The following NDUFB5 variants were observed in gnomAD, a reference collection of about 807,000 sequenced individuals.
NDUFB5 encodes the protein NADH:ubiquinone oxidoreductase subunit B5.
In NDUFB5, 19 loss-of-function variants were observed where a neutral mutation model predicts 19.4. That is an observed-to-expected ratio of 0.98 (90% CI 0.68 to 1.43). NDUFB5 has a LOEUF of 1.43. Ranked by LOEUF, NDUFB5 falls within the 40% of genes most tolerant of loss-of-function variation. The pLI, the probability that NDUFB5 is intolerant of heterozygous loss-of-function variation, is 0.00. For synonymous variants in NDUFB5, 80 were observed against 82.6 expected (o/e 0.97, Z 0.17); for missense variants, 233 against 236.5 (o/e 0.99, Z 0.10).
At chr3:179,620,478 G>A (rs548566131) in intron 5 of NDUFB5, among the ~76,000 whole-genome samples, 12 of 152,210 alleles carry the variant, frequency 7.9e-5, no homozygotes, top group Admixed American at 3.9e-4. Context: ...TCTTGTTTTC[G>A]TCAAGTTTGT....
rs1422766692 is a variant in NDUFB5 at position 179,604,857 on chromosome 3, G to T, written c.42G>T (p.Ala14=). Residue 14 remains alanine (A), a synonymous_variant, in exon 1 of 6, where the codon GCG becomes GCT. Transcript: ENST00000259037. ...TGTTGCGGCGGGTTTCGGTTACTGC[G>T]GTGGCAGCTCTGTCTGGCCGGCCCC... The part of the protein sequence containing the change: ...MSLLRRVSVT[A]VAALSGRPLG... 6.2e-7 allele frequency: 1 copy of T among 1,603,464 alleles called. No homozygotes were observed. The highest frequency in any genetic ancestry group is 8.5e-7 in the Non-Finnish European group (1 of 1,177,398).
At chr3:179,605,534 T>G (rs980510572) in intron 1 of NDUFB5, among the ~76,000 whole-genome samples, 3 of 152,010 alleles carry the variant, frequency 2.0e-5, no homozygotes, top group Non-Finnish European at 4.4e-5. Flanking sequence ...GGCGCGATCT[T>G]GGCTCACTGC....
intron 2 of NDUFB5, chr3:179,615,479 T>G: frequency 2.5e-6 from 1 of 403,406 alleles, no homozygotes; most frequent in South Asian, 1.8e-5. Context: ...GTAACAGGGA[T>G]CTATAGTGCA....
intron 1 of NDUFB5, among the ~76,000 whole-genome samples, chr3:179,611,696 G>A (rs1004343752): frequency 1.2e-4 from 18 of 151,876 alleles, no homozygotes; most frequent in African/African-American, 1.9e-4. Context: ...CACTGTGCCC[G>A]GCCCAGTTGT....
chr3:179,609,371 A>C lies in NDUFB5; in HGVS notation c.124+4432A>C, dbSNP rs552745660. Among the ~76,000 whole-genome samples the C allele has an allele frequency of 3.9e-5, 6 of 152,332 alleles. No individual in the cohort carries two copies. In the South Asian group the frequency reaches 1.2e-3, roughly 32 times the overall value. On this transcript the variant is annotated intron_variant, in intron 1 of 5. Coordinates refer to ENST00000259037, the MANE Select transcript of NDUFB5 (RefSeq NM_002492.4). ...AATACGAAGATAGAGTTGCAAGAGA[A>C]CAATGGGCAGCACAGCAGAGAAGGG... is the stretch of plus-strand genomic sequence containing the variant.
At chr3:179,608,615 A>C (rs775296981) in intron 1 of NDUFB5, among the ~76,000 whole-genome samples, 2 of 152,216 alleles carry the variant, frequency 1.3e-5, no homozygotes, top group African/African-American at 4.8e-5. Flanking sequence ...TCTACATGTA[A>C]GTGTGCACTT....
rs778341615 is a variant in NDUFB5, at chr3:179,625,057, T to A, written c.*1017T>A. ...GGCCTGTCTCCACTTCCCAAAGTGC[T>A]GATTACAGGCCTGAGCCACTGCACC... On this transcript the variant is annotated 3_prime_UTR_variant, in exon 6 of 6. Transcript: ENST00000259037. 1 of 152,150 alleles carries A rather than the reference T, an allele frequency of 6.6e-6. No individual in the cohort carries two copies. 9.4% of individuals were successfully genotyped at this position (152,150 alleles called of 1,614,324 possible).
rs181425877 is a variant in NDUFB5, at chr3:179,627,081, C to G, written c.*3041C>G. On this transcript the variant is annotated 3_prime_UTR_variant, in exon 6 of 6. Coordinates refer to ENST00000259037, the MANE Select transcript of NDUFB5 (RefSeq NM_002492.4). ...GGCCTCAAGGAACTTTCACTCATAG[C>G]AGAAAGCAAAGCAGGAGCAGGCACA... The G allele has an allele frequency of 2.7e-4, 41 of 152,322 alleles. No individual in the cohort carries two copies. The highest frequency in any genetic ancestry group is 9.9e-4 in the African/African-American group (41 of 41,546). 9.4% of individuals were successfully genotyped at this position (152,322 alleles called of 1,614,324 possible). A position where few individuals can be genotyped will look rare whatever the true frequency, so the allele number is the denominator to read the frequency against.
intron 1 of NDUFB5, chr3:179,607,830 A>G (rs1456316795): frequency 1.4e-6 from 1 of 701,762 alleles, no homozygotes; most frequent in African/African-American, 1.7e-5. Flanking sequence ...GAATCATATA[A>G]TATTTGTCTG....
chr3:179,609,846 T>C (rs752862079), intron 1 of NDUFB5, among the ~76,000 whole-genome samples: 1 of 152,204 alleles, frequency 6.6e-6, no homozygotes, highest in Non-Finnish European at 1.5e-5. Flanking sequence ...TTTCTCTAAT[T>C]AGTTTTGTTG....
chr3:179,617,974 A>G (rs945532813), intron 4 of NDUFB5, among the ~76,000 whole-genome samples: 1 of 152,216 alleles, frequency 6.6e-6, no homozygotes, highest in Non-Finnish European at 1.5e-5. Flanking sequence ...TATTATCTGA[A>G]TGAATTATAT....
intron 1 of NDUFB5, among the ~76,000 whole-genome samples, chr3:179,605,859 T>G (rs1187350855): frequency 6.6e-6 from 1 of 151,508 alleles, no homozygotes; most frequent in Non-Finnish European, 1.5e-5. Context: ...TGGCACCATC[T>G]TGGCTCACTG....
chr3:179,607,001 CCAAATA>C (rs1719119838), intron 1 of NDUFB5, among the ~76,000 whole-genome samples: 1 of 152,190 alleles, frequency 6.6e-6, no homozygotes, highest in Admixed American at 6.5e-5. Flanking sequence ...TCTCATATAG[CCAAATA>C]CAAATCCTTC....
rs75722571 is a variant in NDUFB5 at position 179,616,754 on chromosome 3, A to G, written c.281-229A>G. 6.7e-3 allele frequency among the ~76,000 whole-genome samples: 1,023 copies of G among 152,316 alleles called. 8 individuals carry two copies. The highest frequency in any genetic ancestry group is 0.024 in the African/African-American group (980 of 41,568). ...GAAAAACAAAATGAGAAACTCATGG[A>G]ATACCTATAAATAATGCCTTACACA... On this transcript the variant is annotated intron_variant, in intron 3 of 5. Transcript: ENST00000259037.
intron 5 of NDUFB5, among the ~76,000 whole-genome samples, chr3:179,620,355 A>G (rs1719503045): frequency 7.9e-5 from 12 of 151,932 alleles, no homozygotes; most frequent in Admixed American, 7.9e-4. Flanking sequence ...TCTTTAATCC[A>G]TCTTGAATTA....
chr3:179,624,172 T>G lies in NDUFB5; in HGVS notation c.*132T>G, dbSNP rs536365075. 2.7e-5 allele frequency: 22 copies of G among 804,462 alleles called. No homozygotes were observed. In the East Asian group the frequency reaches 6.6e-4, roughly 24 times the overall value. The allele number at this position is 804,462 out of a possible 1,614,324, so 49.8% of individuals were successfully genotyped here. Reference sequence around the variant, plus strand: ...TACTGTCTCTCAGTGTTGGTTCAGATTGAGGCTTTTGTTTGAGGAGTTTGG... The same window carrying G: ...TACTGTCTCTCAGTGTTGGTTCAGAGTGAGGCTTTTGTTTGAGGAGTTTGG... On this transcript the variant is annotated 3_prime_UTR_variant, in exon 6 of 6. Transcript: ENST00000259037.
intron 1 of NDUFB5, among the ~76,000 whole-genome samples, chr3:179,609,666 C>A (rs866249478): frequency 6.6e-6 from 1 of 152,082 alleles, no homozygotes; most frequent in African/African-American, 2.4e-5. Context: ...TTTGAGGAAC[C>A]CTCATGCTAT....
chr3:179,616,258 C>T (rs980296655), intron 3 of NDUFB5, among the ~76,000 whole-genome samples: 2 of 151,990 alleles, frequency 1.3e-5, no homozygotes, highest in Non-Finnish European at 2.9e-5. Flanking sequence ...AACTATAATC[C>T]TCGGCCAGGC....
At chr3:179,618,160 T>G in intron 4 of NDUFB5, 1 of 300,826 alleles carries the variant, frequency 3.3e-6, no homozygotes, top group South Asian at 4.4e-5. Flanking sequence ...AGCTTTGGAG[T>G]CAGACAGACC....
Sources: allele counts gnomAD v4.1 joint callset (sites outside exome capture counted in the v4.1 genomes callset), GRCh38; gene constraint gnomAD v4.1.1; transcripts MANE v1.5; gene names NCBI Gene and HGNC (gene_info 2026-07-23, HGNC 2026-07-21).